Variants in SYT9 observed in about 807,000 individuals in gnomAD.
The protein encoded by SYT9 is synaptotagmin 9, also known as synaptotagmin-9.
In SYT9, 22 loss-of-function variants were observed where a neutral mutation model predicts 48.4. That is an observed-to-expected ratio of 0.45 (90% confidence interval 0.32 to 0.65). The LOEUF is 0.65. SYT9 is among the 30% of genes least tolerant of loss of function. The pLI, the probability that SYT9 is intolerant of heterozygous loss-of-function variation, is 0.03. For missense variants in SYT9, 577 were observed against 622.0 expected, an observed-to-expected ratio of 0.93 and a Z score of 0.77; for synonymous variants, 265 against 245.0, an observed-to-expected ratio of 1.08 and a Z score of -0.76.
At chr11:7,357,743 T>C (rs1334960963) in intron 3 of SYT9, among the ~76,000 whole-genome samples, 1 of 152,172 alleles carries the variant, frequency 6.6e-6, no homozygotes. Context: ...CATGGATTGA[T>C]TATTCTTAGC....
At chr11:7,338,409 T>C (rs1195922678) in intron 3 of SYT9, among the ~76,000 whole-genome samples, 1 of 152,172 alleles carries the variant, frequency 6.6e-6, no homozygotes, top group African/African-American at 2.4e-5. Flanking sequence ...TGCTTCACTC[T>C]TGCTTCTATA....
chr11:7,240,756 G>A (rs1209412167), intron 1 of SYT9, among the ~76,000 whole-genome samples: 2 of 152,128 alleles, frequency 1.3e-5, no homozygotes, highest in South Asian at 2.1e-4. Flanking sequence ...TAAAGTTATA[G>A]TTTAAAAGGT....
At chr11:7,410,027 A>G (rs377538618) in intron 3 of SYT9, among the ~76,000 whole-genome samples, 4 of 152,038 alleles carry the variant, frequency 2.6e-5, no homozygotes, top group East Asian at 1.9e-4. Context: ...ACTCTATCCC[A>G]TTGGTTTTGG....
chr11:7,306,962 A>G (rs1453807283), intron 2 of SYT9, among the ~76,000 whole-genome samples: 1 of 152,232 alleles, frequency 6.6e-6, no homozygotes, highest in Non-Finnish European at 1.5e-5. Context: ...GACAGAATAC[A>G]TTGGTCAATA....
At chr11:7,279,351 C>A (rs1848452191) in intron 1 of SYT9, among the ~76,000 whole-genome samples, 1 of 152,114 alleles carries the variant, frequency 6.6e-6, no homozygotes, top group African/African-American at 2.4e-5. Flanking sequence ...ACCAATATGT[C>A]TTTTTTTCCG....
chr11:7,264,690 G>A (rs74051005), intron 1 of SYT9, among the ~76,000 whole-genome samples: 1 of 152,020 alleles, frequency 6.6e-6, no homozygotes, highest in Non-Finnish European at 1.5e-5. Context: ...ACATGACCAC[G>A]TCCAGGACAT....
intron 3 of SYT9, among the ~76,000 whole-genome samples, chr11:7,415,009 T>G (rs1296088224): frequency 6.6e-6 from 1 of 152,212 alleles, no homozygotes; most frequent in African/African-American, 2.4e-5. Context: ...CCTTTCTGGT[T>G]ATACTGTCCC....
At chr11:7,456,338 C>A (rs567736063) in intron 6 of SYT9, among the ~76,000 whole-genome samples, 1 of 152,226 alleles carries the variant, frequency 6.6e-6, no homozygotes. Flanking sequence ...TGTGTAAGTA[C>A]TCAAGGGAGG....
chr11:7,341,270 A>G (rs1849707648), intron 3 of SYT9, among the ~76,000 whole-genome samples: 1 of 152,188 alleles, frequency 6.6e-6, no homozygotes, highest in Non-Finnish European at 1.5e-5. Flanking sequence ...GTTTAGGCAC[A>G]GGATGTAAGG....
intron 6 of SYT9, among the ~76,000 whole-genome samples, chr11:7,451,803 G>C (rs1848057984): frequency 6.6e-6 from 1 of 152,180 alleles, no homozygotes; most frequent in African/African-American, 2.4e-5. Flanking sequence ...TGAAACAAAA[G>C]AAAGCATACT....
At chr11:7,453,771 A>C (rs536084824) in intron 6 of SYT9, among the ~76,000 whole-genome samples, 6 of 152,306 alleles carry the variant, frequency 3.9e-5, no homozygotes, top group South Asian at 4.1e-4. Flanking sequence ...CTCTGGAGCA[A>C]GGACCAGCGT....
intron 6 of SYT9, among the ~76,000 whole-genome samples, chr11:7,456,162 T>G (rs868022283): frequency 1.3e-5 from 2 of 152,234 alleles, no homozygotes; most frequent in African/African-American, 4.8e-5. Context: ...TGTGAACTCT[T>G]TAGGTCTGGG....
chr11:7,452,477 TGAA>T (rs1232717029), intron 6 of SYT9, among the ~76,000 whole-genome samples: 10 of 152,224 alleles, frequency 6.6e-5, no homozygotes, highest in Admixed American at 6.5e-4. Context: ...GAGGCTGCTC[TGAA>T]GAAGTTCTAA....
intron 3 of SYT9, among the ~76,000 whole-genome samples, chr11:7,333,475 T>C (rs931510003): frequency 1.3e-5 from 2 of 152,220 alleles, no homozygotes; most frequent in Non-Finnish European, 2.9e-5. Flanking sequence ...TAAATGTATC[T>C]TTAAGATGAG....
intron 2 of SYT9, among the ~76,000 whole-genome samples, chr11:7,304,709 G>A (rs7951816): frequency 0.089 from 13,535 of 152,170 alleles, 1,186 homozygotes; most frequent in African/African-American, 0.23. Context: ...GTTGTCTGCC[G>A]TTTGATTTAG....
intron 3 of SYT9, among the ~76,000 whole-genome samples, chr11:7,410,849 A>G (rs1234212939): frequency 1.3e-5 from 2 of 152,134 alleles, no homozygotes; most frequent in East Asian, 3.9e-4. Flanking sequence ...TTTCCATTCA[A>G]TATCTCTTTT....
intron 3 of SYT9, among the ~76,000 whole-genome samples, chr11:7,375,314 C>T (rs1254077808): frequency 6.6e-6 from 1 of 152,152 alleles, no homozygotes; most frequent in South Asian, 2.1e-4. Flanking sequence ...GTTTTGGTTA[C>T]TATAGCCTTG....
intron 1 of SYT9, among the ~76,000 whole-genome samples, chr11:7,270,052 A>T (rs1420720506): frequency 6.6e-6 from 1 of 152,234 alleles, no homozygotes; most frequent in Non-Finnish European, 1.5e-5. Context: ...GAGAATTAAC[A>T]TTCTTAAAGT....
chr11:7,415,591 G>T (rs1378772630), intron 3 of SYT9, among the ~76,000 whole-genome samples: 1 of 152,100 alleles, frequency 6.6e-6, no homozygotes, highest in African/African-American at 2.4e-5. Flanking sequence ...CGTGGGTGGG[G>T]CACTACAGTA....
Sources: allele counts gnomAD v4.1 joint callset (sites outside exome capture counted in the v4.1 genomes callset), GRCh38; gene constraint gnomAD v4.1.1; transcripts MANE v1.5; gene names NCBI Gene and HGNC (gene_info 2026-07-23, HGNC 2026-07-21).